Variants in DTNB observed in about 807,000 individuals in gnomAD.
DTNB encodes DTN-B.
In DTNB, 63 loss-of-function variants were observed where a neutral mutation model predicts 90.7. That is an observed-to-expected ratio of 0.69 (90% CI 0.57 to 0.86). The LOEUF is 0.86. Among genes scored for constraint, DTNB ranks in the 40% least tolerant of loss-of-function variants. The probability of loss-of-function intolerance (pLI) is 0.00; values close to 1 mark genes in which losing one functional copy is unlikely to be tolerated. For missense variants in DTNB, 744 were observed against 807.1 expected, an observed-to-expected ratio of 0.92 and a Z score of 0.95; for synonymous variants, 277 against 286.7, an observed-to-expected ratio of 0.97 and a Z score of 0.34.
At chr2:25,668,218 C>T (rs1243074327) in intron 1 of DTNB, among the ~76,000 whole-genome samples, 3 of 151,882 alleles carry the variant, frequency 2.0e-5, no homozygotes, top group African/African-American at 7.3e-5. Flanking sequence ...CAGCCTGGGC[C>T]ACAGAGTGAG....
intron 3 of DTNB, among the ~76,000 whole-genome samples, chr2:25,636,913 C>T (rs1329013822): frequency 2.0e-5 from 3 of 151,180 alleles, no homozygotes; most frequent in Non-Finnish European, 4.4e-5. Flanking sequence ...ATAAACTCTT[C>T]GGAGAGAATT....
At chr2:25,404,006 C>A (rs1558371535) in intron 16 of DTNB, among the ~76,000 whole-genome samples, 1 of 152,206 alleles carries the variant, frequency 6.6e-6, no homozygotes, top group African/African-American at 2.4e-5. Context: ...AACCTCTCTG[C>A]ACCTAAGGTT....
intron 12 of DTNB, among the ~76,000 whole-genome samples, chr2:25,440,446 T>C (rs767389627): frequency 5.3e-5 from 8 of 152,222 alleles, no homozygotes; most frequent in Non-Finnish European, 8.8e-5. Flanking sequence ...TTTTGTACTC[T>C]TGCATCGTAA....
intron 6 of DTNB, 136 bp from the exon 7 acceptor site, chr2:25,580,962 TTAC>T: frequency 1.5e-6 from 1 of 659,658 alleles, no homozygotes. Context: ...ATATTTTACA[TTAC>T]TACAGACACT....
chr2:25,644,264 T>C (rs534490421), intron 2 of DTNB, among the ~76,000 whole-genome samples: 130 of 152,236 alleles, frequency 8.5e-4, no homozygotes, highest in Non-Finnish European at 1.4e-3. Context: ...CCAAGAGCCT[T>C]CTCTTGGGAT....
chr2:25,552,841 A>ATTTTTTTT (rs544243784), intron 8 of DTNB, among the ~76,000 whole-genome samples: 10 of 86,030 alleles, frequency 1.2e-4, no homozygotes, highest in Non-Finnish European at 1.6e-4. Flanking sequence ...TCTCTTTTTG[A>ATTTTTTTT]TTTTTTTTTT....
intron 18 of DTNB, among the ~76,000 whole-genome samples, chr2:25,384,957 C>A (rs570415116): frequency 7.2e-5 from 11 of 151,990 alleles, no homozygotes; most frequent in Admixed American, 6.5e-4. Context: ...TGGCTCACTG[C>A]AATCTCTGCA....
At chr2:25,400,173 G>T (rs560123794) in intron 16 of DTNB, among the ~76,000 whole-genome samples, 30 of 152,320 alleles carry the variant, frequency 2.0e-4, no homozygotes, top group Middle Eastern at 3.4e-3. Flanking sequence ...ACAAACTGGA[G>T]TGTGTGGCGC....
chr2:25,531,673 T>A, intron 8 of DTNB, 76 bp from the exon 9 acceptor site: 1 of 1,532,298 alleles, frequency 6.5e-7, no homozygotes, highest in East Asian at 2.3e-5. Flanking sequence ...AAAAAAACTT[T>A]GTGACAAGAG....
chr2:25,555,112 C>T (rs958087859), intron 8 of DTNB, among the ~76,000 whole-genome samples: 1 of 151,646 alleles, frequency 6.6e-6, no homozygotes, highest in Non-Finnish European at 1.5e-5. Context: ...CTGGCTAACA[C>T]GATGAAACCC....
chr2:25,538,823 T>C (rs184923808), intron 8 of DTNB, among the ~76,000 whole-genome samples: 10 of 152,224 alleles, frequency 6.6e-5, no homozygotes, highest in Non-Finnish European at 1.3e-4. Flanking sequence ...AATAGAACAT[T>C]AGTCACTCTG....
chr2:25,564,869 G>C (rs1056834616), intron 8 of DTNB, among the ~76,000 whole-genome samples: 2 of 152,142 alleles, frequency 1.3e-5, no homozygotes, highest in African/African-American at 4.8e-5. Context: ...TTTTGAAGTA[G>C]GTTGGTACAA....
chr2:25,559,154 G>A (rs1177827901), intron 8 of DTNB, among the ~76,000 whole-genome samples: 2 of 152,130 alleles, frequency 1.3e-5, no homozygotes, highest in Non-Finnish European at 2.9e-5. Context: ...CTCTCACCTG[G>A]TTTTTATTCC....
intron 1 of DTNB, among the ~76,000 whole-genome samples, chr2:25,656,472 T>C (rs1003331895): frequency 1.3e-5 from 2 of 152,168 alleles, no homozygotes; most frequent in Admixed American, 6.5e-5. Flanking sequence ...TTCCTTCCAC[T>C]TGAACTCCTA....
rs35419647 is a variant in DTNB, at chr2:25,662,681, A to AC, written c.-1-10021_-1-10020insG. ...ACACACACACACACACACACACACA[A>AC]ACACACACACACACACACACACACA... On this transcript the variant is annotated intron_variant, in intron 1 of 20. Coordinates refer to ENST00000406818, the MANE Select transcript of DTNB (RefSeq NM_021907.5). Among the ~76,000 whole-genome samples the AC allele has an allele frequency of 1.1e-4, 11 of 104,528 alleles. No homozygotes were observed. In the East Asian group the frequency reaches 1.2e-3, roughly 12 times the overall value. The allele number at this position is 104,528 out of a possible 152,430, so 68.6% of individuals were successfully genotyped here.
At chr2:25,509,891 C>T (rs2073543325) in intron 9 of DTNB, among the ~76,000 whole-genome samples, 1 of 151,806 alleles carries the variant, frequency 6.6e-6, no homozygotes, top group East Asian at 1.9e-4. Flanking sequence ...GCTGGGACTA[C>T]AGGCACGCAT....
At chr2:25,441,615 C>T (rs2057408977) in intron 12 of DTNB, among the ~76,000 whole-genome samples, 1 of 152,212 alleles carries the variant, frequency 6.6e-6, no homozygotes, top group Non-Finnish European at 1.5e-5. Flanking sequence ...TAATAAATTC[C>T]TTCATGGAGC....
intron 9 of DTNB, among the ~76,000 whole-genome samples, chr2:25,491,691 T>A (rs757814751): frequency 6.6e-6 from 1 of 152,024 alleles, no homozygotes; most frequent in Non-Finnish European, 1.5e-5. Flanking sequence ...ACTCTATTAA[T>A]GTCTACTGCT....
intron 4 of DTNB, among the ~76,000 whole-genome samples, chr2:25,608,450 A>G (rs1034629482): frequency 1.3e-5 from 2 of 152,244 alleles, no homozygotes; most frequent in Non-Finnish European, 2.9e-5. Context: ...TTCATAAAAC[A>G]AAATAGGAAT....
Sources: allele counts gnomAD v4.1 joint callset (sites outside exome capture counted in the v4.1 genomes callset), GRCh38; gene constraint gnomAD v4.1.1; transcripts MANE v1.5; gene names NCBI Gene and HGNC (gene_info 2026-07-23, HGNC 2026-07-21).